Variants in SHROOM3 observed in about 807,000 individuals in gnomAD.
SHROOM3 encodes the protein protein Shroom3.
In SHROOM3, 47 loss-of-function variants were observed where a neutral mutation model predicts 138.6. The ratio of observed to expected loss-of-function variants is 0.34; its 90% CI spans 0.27 to 0.43. SHROOM3 has a LOEUF of 0.43. Among genes scored for constraint, SHROOM3 ranks in the 20% least tolerant of loss-of-function variants. The pLI is 1.00. For missense variants in SHROOM3, 2,491 were observed against 2,596.5 expected (o/e 0.96, Z 0.88); for synonymous variants, 1,062 against 1,063.3 (o/e 1.00, Z 0.02).
At chr4:76,766,988 G>A (rs1009300829) in intron 9 of SHROOM3, among the ~76,000 whole-genome samples, 11 of 152,100 alleles carry the variant, frequency 7.2e-5, no homozygotes, top group African/African-American at 1.7e-4. Flanking sequence ...ATCTCATTCC[G>A]TTCTTTCTTG....
At chr4:76,764,808 A>T (rs1412923281) in intron 9 of SHROOM3, among the ~76,000 whole-genome samples, 1 of 152,070 alleles carries the variant, frequency 6.6e-6, no homozygotes, top group Non-Finnish European at 1.5e-5. Context: ...ATTTGGATGG[A>T]CTTAGTTTTC....
intron 10 of SHROOM3, among the ~76,000 whole-genome samples, chr4:76,775,580 A>G (rs935169858): frequency 1.3e-5 from 2 of 151,902 alleles, no homozygotes; most frequent in Non-Finnish European, 1.5e-5. Context: ...TTATATGGAA[A>G]AGACACTTGC....
At chr4:76,725,827 T>A (rs1720688683) in intron 3 of SHROOM3, among the ~76,000 whole-genome samples, 1 of 152,172 alleles carries the variant, frequency 6.6e-6, no homozygotes, top group African/African-American at 2.4e-5. Context: ...CCTTCCTGAG[T>A]CTTTAAGGAG....
chr4:76,677,717 G>A (rs890250169), intron 2 of SHROOM3, among the ~76,000 whole-genome samples: 1 of 152,122 alleles, frequency 6.6e-6, no homozygotes, highest in Non-Finnish European at 1.5e-5. Context: ...GTTGGACACC[G>A]CCCAAATGTG....
intron 6 of SHROOM3, among the ~76,000 whole-genome samples, chr4:76,753,293 G>C (rs911802616): frequency 3.9e-5 from 6 of 152,180 alleles, no homozygotes; most frequent in African/African-American, 1.4e-4. Flanking sequence ...GAGCTAATTT[G>C]GTTCTTTGCC....
At chr4:76,681,594 G>GGGGTGTGTGTGTGT (rs1553936165) in intron 2 of SHROOM3, among the ~76,000 whole-genome samples, 5 of 81,020 alleles carry the variant, frequency 6.2e-5, no homozygotes, top group African/African-American at 1.7e-4. Context: ...CAGAGTCTAG[G>GGGGTGTGTGTGTGT]GTGTGTGTGT....
chr4:76,555,401 G>T (rs962943883), intron 1 of SHROOM3, among the ~76,000 whole-genome samples: 2 of 152,110 alleles, frequency 1.3e-5, no homozygotes, highest in African/African-American at 4.8e-5. Context: ...CCCTCCCTGG[G>T]CAGGCAGGGT....
At chr4:76,493,914 G>A (rs1206195501) in intron 1 of SHROOM3, among the ~76,000 whole-genome samples, 1 of 152,202 alleles carries the variant, frequency 6.6e-6, no homozygotes, top group Non-Finnish European at 1.5e-5. Context: ...GGAAGGCAGA[G>A]GTTGCAGTGA....
chr4:76,454,879 G>A (rs917561136), intron 1 of SHROOM3, among the ~76,000 whole-genome samples: 4 of 152,038 alleles, frequency 2.6e-5, no homozygotes, highest in African/African-American at 9.7e-5. Context: ...CCTTGGTTAA[G>A]TTTATTACTA....
At chr4:76,711,721 T>A (rs181197595) in intron 3 of SHROOM3, among the ~76,000 whole-genome samples, 2 of 152,248 alleles carry the variant, frequency 1.3e-5, no homozygotes, top group East Asian at 3.9e-4. Context: ...AAATCCATAT[T>A]GGTATCTTTA....
chr4:76,685,505 T>A (rs1387573126), intron 2 of SHROOM3, among the ~76,000 whole-genome samples: 1 of 152,184 alleles, frequency 6.6e-6, no homozygotes, highest in Non-Finnish European at 1.5e-5. Context: ...TTGGTATAGA[T>A]GAACCAGGGA....
chr4:76,725,191 T>C (rs575845047), intron 3 of SHROOM3, among the ~76,000 whole-genome samples: 1 of 148,856 alleles, frequency 6.7e-6, no homozygotes, highest in East Asian at 2.1e-4. Flanking sequence ...TCTTAATCTA[T>C]TAGAACTGTG....
chr4:76,636,693 T>C (rs1034858307), intron 2 of SHROOM3, among the ~76,000 whole-genome samples: 1 of 152,138 alleles, frequency 6.6e-6, no homozygotes, highest in Admixed American at 6.5e-5. Context: ...GATATGCATG[T>C]TAGATGAGTT....
At chr4:76,518,141 T>C (rs1732481307) in intron 1 of SHROOM3, among the ~76,000 whole-genome samples, 1 of 152,080 alleles carries the variant, frequency 6.6e-6, no homozygotes, top group South Asian at 2.1e-4. Context: ...GTATTCCTAG[T>C]GGAGGGTGAG....
chr4:76,497,343 A>C (rs1190712051), intron 1 of SHROOM3, among the ~76,000 whole-genome samples: 1 of 152,246 alleles, frequency 6.6e-6, no homozygotes, highest in Non-Finnish European at 1.5e-5. Context: ...CTAAGTAAAA[A>C]ATAATTCCCA....
At chr4:76,753,164 C>T (rs1479438292) in intron 6 of SHROOM3, among the ~76,000 whole-genome samples, 1 of 152,166 alleles carries the variant, frequency 6.6e-6, no homozygotes, top group East Asian at 1.9e-4. Context: ...GTAAAGAAAC[C>T]ATGTCTGAAT....
At chr4:76,582,203 A>C (rs1734065315) in intron 2 of SHROOM3, among the ~76,000 whole-genome samples, 1 of 152,198 alleles carries the variant, frequency 6.6e-6, no homozygotes, top group South Asian at 2.1e-4. Flanking sequence ...AGAAAACCAG[A>C]CCAAGAGTTC....
chr4:76,774,705 TG>T (rs773496367), intron 10 of SHROOM3, among the ~76,000 whole-genome samples: 78 of 139,822 alleles, frequency 5.6e-4, no homozygotes, highest in East Asian at 4.0e-3. Context: ...CAGGGTTTTT[TG>T]GGGTTTTTTT....
At chr4:76,703,744 A>G (rs570745543) in intron 2 of SHROOM3, among the ~76,000 whole-genome samples, 1 of 152,336 alleles carries the variant, frequency 6.6e-6, no homozygotes, top group South Asian at 2.1e-4. Flanking sequence ...AAAACCAAGA[A>G]CGTGGCTTTA....
Sources: allele counts gnomAD v4.1 joint callset (sites outside exome capture counted in the v4.1 genomes callset), GRCh38; gene constraint gnomAD v4.1.1; transcripts MANE v1.5; gene names NCBI Gene and HGNC (gene_info 2026-07-23, HGNC 2026-07-21).